Variants in PDE1B observed in about 807,000 individuals in gnomAD.
The protein encoded by PDE1B is dual specificity calcium/calmodulin-dependent 3',5'-cyclic nucleotide phosphodiesterase 1B.
Under a neutral mutation model 66.7 loss-of-function variants are expected in PDE1B, and 13 were observed. That is an observed-to-expected ratio of 0.19 (90% CI 0.13 to 0.31). The LOEUF is 0.31. Among genes scored for constraint, PDE1B ranks in the 10% least tolerant of loss-of-function variants. The pLI is 1.00. For synonymous variants in PDE1B, 230 were observed against 253.9 expected (o/e 0.91, Z 0.90); for missense variants, 485 against 682.3 (o/e 0.71, Z 3.22).
At chr12:54,550,213 T>A (rs1053354877) in intron 2 of PDE1B, 7 of 1,378,640 alleles carry the variant, frequency 5.1e-6, no homozygotes, top group East Asian at 2.7e-5. Flanking sequence ...AAGGTAACGA[T>A]GTGCCTGTGC....
Position 54,575,638 on chromosome 12 carries a change from T to G in PDE1B, c.1267+6T>G. 1.9e-6 allele frequency: 3 copies of G among 1,590,378 alleles called. No homozygotes were observed. The highest frequency in any genetic ancestry group is 2.6e-6 in the Non-Finnish European group (3 of 1,160,118). On this transcript the variant is annotated splice_donor_region_variant and intron_variant, in intron 12 of 15. Coordinates refer to ENST00000243052, the MANE Select transcript of PDE1B (RefSeq NM_000924.4). The surrounding 1 kb of genome is among the most constrained non-coding windows in gnomAD (Gnocchi z 4.0). ...AGTGGCACAGTCTCAGATAGGTGAG[T>G]GTCCTCTCCTGCAGGAAGGGGAGGA... is the stretch of plus-strand genomic sequence containing the variant.
chr12:54,572,541 G>C (rs140840736), intron 6 of PDE1B, 60 bp from the exon 7 acceptor site: 1 of 1,508,064 alleles, frequency 6.6e-7, no homozygotes, highest in African/African-American at 1.4e-5. Flanking sequence ...ATCTCGGTCC[G>C]TAATCACCAC....
intron 2 of PDE1B, among the ~76,000 whole-genome samples, chr12:54,555,509 T>C (rs1390818050): frequency 6.6e-6 from 1 of 152,112 alleles, no homozygotes; most frequent in Non-Finnish European, 1.5e-5. Context: ...AGATGCTCAG[T>C]AGGAAAGAAG....
Position 54,570,397 on chromosome 12 carries a change from C to G in PDE1B, c.594+40C>G, listed in dbSNP as rs767587439. 12 of 1,090,750 alleles carry G rather than the reference C, an allele frequency of 1.1e-5. No individual in the cohort carries two copies. In the South Asian group the frequency reaches 1.1e-4, roughly 10 times the overall value. The allele number at this position is 1,090,750 out of a possible 1,614,324, so 67.6% of individuals were successfully genotyped here. A position where few individuals can be genotyped will look rare whatever the true frequency, so the allele number is the denominator to read the frequency against. On this transcript the variant is annotated intron_variant, in intron 6 of 15. Transcript: ENST00000243052. ...TACCTCTACCTCCAGGCAGGATTCT[C>G]CACTCCTCTCATGCCTGTTCTAAAA...
rs1434977316 is a variant in PDE1B, at chr12:54,572,637, T to A, written c.631T>A (p.Leu211Met). 1 of 1,613,990 alleles carries A rather than the reference T, an allele frequency of 6.2e-7. No homozygotes were observed. Among genetic ancestry groups the A allele is most frequent in the Admixed American group, 1.7e-5 (1 of 60,034 alleles). ...GTTTTTGATGAGTTTCCTGGATGCC[T>A]TGGAGACAGGCTATGGGAAGTACAA... ...TVFLMSFLDA[L>M]ETGYGKYKNP... The change falls in exon 7 of 16, where the codon TTG becomes ATG. Residue 211 changes from leucine (L) to methionine (M), a missense_variant. Physicochemically the swap from Leu to Met is conservative, Grantham distance 15. Coordinates refer to ENST00000243052, the MANE Select transcript of PDE1B (RefSeq NM_000924.4).
At chr12:54,566,943 T>C in intron 2 of PDE1B, 31 bp from the exon 3 acceptor site, 2 of 1,247,174 alleles carry the variant, frequency 1.6e-6, no homozygotes, top group South Asian at 1.2e-5. Context: ...TAGCTGTGCC[T>C]AAGCAGCCTC....
Position 54,577,275 on chromosome 12 carries a change from G to C in PDE1B, c.1558G>C (p.Ala520Pro). Reference protein sequence around the residue: ...IDELSPCEEEAPPSPAEDEHN... With the variant: ...IDELSPCEEEPPPSPAEDEHN... ...CGAGCTGTCCCCCTGTGAAGAAGAG[G>C]CCCCCCCATCCCCTGCCGAAGATGA... The change falls in exon 15 of 16, where the codon GCC becomes CCC. Residue 520 changes from alanine to proline, a missense_variant. By Grantham distance (27) the Ala-to-Pro change is conservative (BLOSUM62 -1). Transcript: ENST00000243052. The C allele has an allele frequency of 6.2e-7, 1 of 1,613,646 alleles. No individual in the cohort carries two copies. Among genetic ancestry groups the C allele is most frequent in the Non-Finnish European group, 8.5e-7 (1 of 1,179,868 alleles).
chr12:54,553,225 A>AG (rs1229897279), intron 2 of PDE1B, among the ~76,000 whole-genome samples: 48 of 152,224 alleles, frequency 3.2e-4, no homozygotes, highest in African/African-American at 1.1e-3. Context: ...TTTTTTCTTT[A>AG]GGGGGGTTAT....
Position 54,575,721 on chromosome 12 carries a change from C to A in PDE1B, c.1267+89C>A. The A allele has an allele frequency of 2.0e-6, 2 of 975,856 alleles. No individual in the cohort carries two copies. The highest frequency in any genetic ancestry group is 2.4e-5 in the East Asian group (1 of 41,978). The allele number at this position is 975,856 out of a possible 1,614,324, so 60.4% of individuals were successfully genotyped here. A position where few individuals can be genotyped will look rare whatever the true frequency, so the allele number is the denominator to read the frequency against. On this transcript the variant is annotated intron_variant, in intron 12 of 15. Transcript: ENST00000243052. The surrounding 1 kb of genome is among the most constrained non-coding windows in gnomAD (Gnocchi z 4.0). The stretch of plus-strand genomic sequence containing the variant: ...GATTGCTCCAAGTCCTCAATCCCCC[C>A]AAACCATTCTTCCTGTAGAGGAAAG...
At chr12:54,565,144 C>T (rs956946128) in intron 2 of PDE1B, among the ~76,000 whole-genome samples, 2 of 152,116 alleles carry the variant, frequency 1.3e-5, no homozygotes, top group East Asian at 1.9e-4. Context: ...AAAGGTGGGT[C>T]GAGAAGGGAA....
intron 2 of PDE1B, among the ~76,000 whole-genome samples, chr12:54,557,923 C>T (rs61923502): frequency 1.3e-5 from 2 of 152,046 alleles, no homozygotes; most frequent in Non-Finnish European, 2.9e-5. Flanking sequence ...TTCTCACCCA[C>T]CCCTCCCAAT....
chr12:54,573,028 C>A lies in PDE1B; in HGVS notation c.736-120C>A. 1 of 799,080 alleles carries A rather than the reference C, an allele frequency of 1.3e-6. No homozygotes were observed. Among genetic ancestry groups the A allele is most frequent in the Admixed American group, 2.1e-5 (1 of 46,850 alleles). The allele number at this position is 799,080 out of a possible 1,614,324, so 49.5% of individuals were successfully genotyped here. On this transcript the variant is annotated intron_variant, in intron 7 of 15. Transcript: ENST00000243052. The surrounding 1 kb of genome is among the most constrained non-coding windows in gnomAD (Gnocchi z 5.2). The stretch of plus-strand genomic sequence containing the variant: ...AGCTGAGAAACCTGGCTGCATTAAC[C>A]AAGAGCTGGCCTGGAAGCATGGAAG...
intron 2 of PDE1B, chr12:54,554,439 A>G (rs913646920): frequency 1.3e-5 from 2 of 152,250 alleles, no homozygotes; most frequent in Non-Finnish European, 1.5e-5. Flanking sequence ...GCTTCCAGCC[A>G]TAGCAAAGGG....
Position 54,561,612 on chromosome 12 carries a change from A to C in PDE1B, c.114-5362A>C. On this transcript the variant is annotated intron_variant, in intron 2 of 15. Transcript: ENST00000243052. The stretch of plus-strand genomic sequence containing the variant: ...GGCAAACCCTGTTCCTGTTCAGAGG[A>C]GCCACCTCCAGGGCCCCATTCTCAG... 3 of 1,533,430 alleles carry C rather than the reference A, an allele frequency of 2.0e-6. No individual in the cohort carries two copies. The South Asian group carries it at 3.6e-5, about 18-fold the overall frequency. The allele number at this position is 1,533,430 out of a possible 1,614,324, so 95.0% of individuals were successfully genotyped here. A position where few individuals can be genotyped will look rare whatever the true frequency, so the allele number is the denominator to read the frequency against.
intron 3 of PDE1B, 99 bp downstream of exon 3, chr12:54,567,186 G>T (rs1435151308): frequency 4.8e-6 from 3 of 624,266 alleles, no homozygotes; most frequent in Non-Finnish European, 8.5e-6. Context: ...CATGGACAGA[G>T]ACCGGAAGAA....
chr12:54,551,169 G>A (rs771052106), intron 2 of PDE1B, among the ~76,000 whole-genome samples: 1 of 152,160 alleles, frequency 6.6e-6, no homozygotes, highest in African/African-American at 2.4e-5. Flanking sequence ...ATGGGGGTAG[G>A]GGATGGATAG....
chr12:54,571,201 C>G (rs144839411), intron 6 of PDE1B: 1 of 152,374 alleles, frequency 6.6e-6, no homozygotes, highest in Non-Finnish European at 1.5e-5. Context: ...CTCCACTTCA[C>G]TAGAACAAAT....
chr12:54,564,464 T>G (rs2121089103), intron 2 of PDE1B, among the ~76,000 whole-genome samples: 1 of 151,816 alleles, frequency 6.6e-6, no homozygotes, highest in Non-Finnish European at 1.5e-5. Context: ...GGACCTCATC[T>G]CTACAAAAAA....
intron 2 of PDE1B, among the ~76,000 whole-genome samples, chr12:54,559,123 C>G (rs1421367812): frequency 6.6e-6 from 1 of 152,188 alleles, no homozygotes; most frequent in African/African-American, 2.4e-5. Flanking sequence ...CTTACGCCCT[C>G]TTTCTATTGG....
Sources: allele counts gnomAD v4.1 joint callset (sites outside exome capture counted in the v4.1 genomes callset), GRCh38; gene constraint gnomAD v4.1.1; non-coding constraint Gnocchi (gnomAD v3.1); transcripts MANE v1.5; gene names NCBI Gene and HGNC (gene_info 2026-07-23, HGNC 2026-07-21).